Variants in CCDC174 observed in about 807,000 individuals in gnomAD.
CCDC174 encodes the protein coiled-coil domain-containing protein 174.
Under a neutral mutation model 57.1 loss-of-function variants are expected in CCDC174, and 37 were observed. The ratio of observed to expected loss-of-function variants is 0.65; its 90% confidence interval spans 0.50 to 0.85. The LOEUF (loss-of-function observed/expected upper bound fraction) is 0.85. CCDC174 is among the 40% of genes least tolerant of loss of function. The pLI is 0.00. For synonymous variants in CCDC174, 182 were observed against 190.2 expected, an observed-to-expected ratio of 0.96 and a Z score of 0.35; for missense variants, 540 against 574.3, an observed-to-expected ratio of 0.94 and a Z score of 0.61.
At chr3:14,657,528 C>T (rs978982193) in intron 3 of CCDC174, among the ~76,000 whole-genome samples, 10 of 152,200 alleles carry the variant, frequency 6.6e-5, no homozygotes, top group Non-Finnish European at 1.0e-4. Context: ...CTAAATCCAG[C>T]GGCCGTTTCC....
At chr3:14,654,350 G>A (rs1358730407) in intron 1 of CCDC174, 76 bp from the exon 2 acceptor site, 12 of 769,320 alleles carry the variant, frequency 1.6e-5, no homozygotes, top group Non-Finnish European at 2.2e-5. Context: ...ATATTCCTTT[G>A]GAAATTATAA....
intron 5 of CCDC174, among the ~76,000 whole-genome samples, chr3:14,662,935 C>G: frequency 6.6e-6 from 1 of 152,198 alleles, no homozygotes; most frequent in East Asian, 1.9e-4. Flanking sequence ...AAACTTAGAT[C>G]TAAATAGTTT....
At chr3:14,667,058 C>A in intron 7 of CCDC174, 111 bp downstream of exon 7, 14 of 930,440 alleles carry the variant, frequency 1.5e-5, no homozygotes, top group Non-Finnish European at 2.1e-5. Context: ...AATTAAAGAT[C>A]CTGCTTTGGA....
chr3:14,665,157 G>C (rs200013539), intron 6 of CCDC174, 34 bp downstream of exon 6: 1 of 1,441,332 alleles, frequency 6.9e-7, no homozygotes, highest in East Asian at 2.3e-5. Flanking sequence ...CTCTGCCAAG[G>C]TCTGAAATGC....
At chr3:14,667,166 C>G in intron 7 of CCDC174, 1 of 619,052 alleles carries the variant, frequency 1.6e-6, no homozygotes, top group Non-Finnish European at 2.8e-6. Flanking sequence ...GGGATTGTTC[C>G]CTGAGAGAAG....
chr3:14,667,472 A>T lies in CCDC174; in HGVS notation c.773A>T (p.Glu258Val), dbSNP rs1447055180. 4 of 1,613,900 alleles carry T rather than the reference A, an allele frequency of 2.5e-6. No individual in the cohort carries two copies. The Admixed American group carries it at 6.7e-5, about 27-fold the overall frequency. ...VGYFAFARDK[E>V]LRNKQMKTLE... The stretch of plus-strand genomic sequence containing the variant: ...TATTTTGCCTTTGCCCGAGACAAAG[A>T]GTTGAGAAACAAGCAGATGAAAACC... The change falls in exon 8 of 11, where the codon GAG becomes GTG. Residue 258 changes from glutamate (E) to valine (V), a missense_variant. Physicochemically the swap from Glu to Val is moderately radical, Grantham distance 121. Coordinates refer to ENST00000383794, the MANE Select transcript of CCDC174 (RefSeq NM_016474.5).
At chr3:14,651,956 G>C (rs1035767413) in intron 1 of CCDC174, 78 bp downstream of exon 1, 1 of 1,435,040 alleles carries the variant, frequency 7.0e-7, no homozygotes, top group Admixed American at 1.8e-5. Flanking sequence ...GACCTAGCTT[G>C]TTTCTTCACT....
chr3:14,670,998 C>G lies in CCDC174; in HGVS notation c.1208C>G (p.Thr403Ser). 4.3e-6 allele frequency: 7 copies of G among 1,614,136 alleles called. No homozygotes were observed. The highest frequency in any genetic ancestry group is 5.9e-6 in the Non-Finnish European group (7 of 1,180,026). ...PSDYFVGQKR[T>S]GFSSSQAWSR... ...GATTACTTTGTGGGTCAGAAGAGAA[C>G]TGGTTTTTCCAGCAGCCAGGCATGG... is the stretch of plus-strand genomic sequence containing the variant. Residue 403 changes from threonine to serine, a missense_variant, in exon 11 of 11, where the codon ACT (threonine) becomes AGT (serine). Transcript: ENST00000383794.
At chr3:14,660,309 G>GA (rs2031088201) in intron 4 of CCDC174, among the ~76,000 whole-genome samples, 1 of 152,166 alleles carries the variant, frequency 6.6e-6, no homozygotes, top group Non-Finnish European at 1.5e-5. Context: ...TTTGAGACCA[G>GA]CCCAGCCAAC....
chr3:14,670,042 C>G lies in CCDC174; in HGVS notation c.1061C>G (p.Thr354Ser), dbSNP rs769038621. 4 of 1,612,142 alleles carry G rather than the reference C, an allele frequency of 2.5e-6. No homozygotes were observed. Among genetic ancestry groups the G allele is most frequent in the Non-Finnish European group, 3.4e-6 (4 of 1,179,484 alleles). ...GTCATTGTCCAGGAGAGGAAGGACA[C>G]CAAGCCTGGAGTGCCACACATCCGG... The part of the protein sequence containing the change: ...VEVIVQERKD[T>S]KPGVPHIREW... The change falls in exon 10 of 11, where the codon ACC becomes AGC. Residue 354 changes from threonine to serine, a missense_variant. Transcript: ENST00000383794.
In CCDC174 at chr3:14,651,800, A is replaced by G; in HGVS notation, c.-37A>G. ...GCTTACGAGGCCTGTGTCGGGTAGA[A>G]AGGGTCCTTCCTGGACCGGGACCCT... is the stretch of plus-strand genomic sequence containing the variant. On this transcript the variant is annotated 5_prime_UTR_variant, in exon 1 of 11. Coordinates refer to ENST00000383794, the MANE Select transcript of CCDC174 (RefSeq NM_016474.5). The G allele has an allele frequency of 6.2e-7, 1 of 1,611,524 alleles. No homozygotes were observed. Among genetic ancestry groups the G allele is most frequent in the South Asian group, 1.1e-5 (1 of 90,988 alleles).
intron 8 of CCDC174, 56 bp downstream of exon 8, chr3:14,667,574 T>C (rs1209951332): frequency 7.8e-7 from 1 of 1,278,868 alleles, no homozygotes; most frequent in Non-Finnish European, 1.1e-6. Flanking sequence ...GGTTTCTTGC[T>C]GGACCATACT....
chr3:14,669,480 A>G (rs1306019524), intron 9 of CCDC174, among the ~76,000 whole-genome samples: 2 of 152,138 alleles, frequency 1.3e-5, no homozygotes, highest in Admixed American at 6.5e-5. Flanking sequence ...TGTGACCAAA[A>G]TTGAACAGCC....
rs186015518 is a variant in CCDC174 at position 14,655,121 on chromosome 3, G to T, written c.148-408G>T. ...ACTTGACCCCAGGAGTTCGAGACCC[G>T]CCTGAGCAACATGGCAAAACCCCGT... On this transcript the variant is annotated intron_variant, in intron 2 of 10. Coordinates refer to ENST00000383794, the MANE Select transcript of CCDC174 (RefSeq NM_016474.5). 4.6e-4 allele frequency among the ~76,000 whole-genome samples: 70 copies of T among 152,182 alleles called. No individual in the cohort carries two copies. The East Asian group carries it at 0.012, about 26-fold the overall frequency.
At chr3:14,667,832 A>C (rs1282328060) in intron 8 of CCDC174, among the ~76,000 whole-genome samples, 1 of 152,200 alleles carries the variant, frequency 6.6e-6, no homozygotes, top group East Asian at 1.9e-4. Flanking sequence ...TAAGGCTTGC[A>C]AGATGCTCTG....
intron 3 of CCDC174, among the ~76,000 whole-genome samples, chr3:14,658,260 G>T (rs1420496999): frequency 2.6e-5 from 4 of 152,354 alleles, no homozygotes; most frequent in South Asian, 2.1e-4. Context: ...TAGGAGGTGT[G>T]CAATAAGTAC....
In CCDC174 at chr3:14,671,444, T is replaced by C. The variant is rs994501378; in HGVS notation, c.*250T>C. On this transcript the variant is annotated 3_prime_UTR_variant, in exon 11 of 11. Coordinates refer to ENST00000383794, the MANE Select transcript of CCDC174 (RefSeq NM_016474.5). ...TGTGAGCTGCGATAGAATAGAAGTA[T>C]TTATTCTGTAAAATTAGACACTGAG... 2.2e-6 allele frequency: 1 copy of C among 459,032 alleles called. No homozygotes were observed. The highest frequency in any genetic ancestry group is 3.9e-6 in the Non-Finnish European group (1 of 259,480). 28.4% of individuals were successfully genotyped at this position (459,032 alleles called of 1,614,324 possible). A position where few individuals can be genotyped will look rare whatever the true frequency, so the allele number is the denominator to read the frequency against.
chr3:14,666,811 T>C lies in CCDC174; in HGVS notation c.588T>C (p.Ile196=). The C allele has an allele frequency of 6.3e-7, 1 of 1,577,066 alleles. No homozygotes were observed. The highest frequency in any genetic ancestry group is 1.4e-5 in the African/African-American group (1 of 72,334). ...TGCTCTGTTTTCCTGCTAGTTTTAT[T>C]AGTCCTGCTAATGAAAAAACCCTAT... The part of the protein sequence containing the change: ...MDKNLQGRLF[I]SPANEKTLLS... Residue 196 remains isoleucine (I), a synonymous_variant, in exon 7 of 11, where the codon ATT becomes ATC. Coordinates refer to ENST00000383794, the MANE Select transcript of CCDC174 (RefSeq NM_016474.5).
intron 6 of CCDC174, among the ~76,000 whole-genome samples, chr3:14,666,443 T>G (rs948585405): frequency 4.6e-5 from 7 of 151,988 alleles, no homozygotes; most frequent in African/African-American, 1.7e-4. Flanking sequence ...GCCAACATGG[T>G]GAAACCCTGT....
Sources: allele counts gnomAD v4.1 joint callset (sites outside exome capture counted in the v4.1 genomes callset), GRCh38; gene constraint gnomAD v4.1.1; transcripts MANE v1.5; gene names NCBI Gene and HGNC (gene_info 2026-07-23, HGNC 2026-07-21).